The following NCAM2 variants were observed in gnomAD, a reference collection of about 807,000 sequenced individuals.
NCAM2 encodes the protein neural cell adhesion molecule 2.
In NCAM2, 30 loss-of-function variants were observed where a neutral mutation model predicts 98.1. That is an observed-to-expected ratio of 0.31 (90% confidence interval 0.23 to 0.41). NCAM2 has a LOEUF of 0.41. Ranked by LOEUF, NCAM2 falls within the 10% of genes least tolerant of loss-of-function variation. NCAM2 has a pLI of 1.00. For synonymous variants in NCAM2, 368 were observed against 342.4 expected (o/e 1.07, Z -0.83); for missense variants, 867 against 1,005.8 (o/e 0.86, Z 1.87).
chr21:21,106,347 T>G (rs2035746768), intron 1 of NCAM2, among the ~76,000 whole-genome samples: 1 of 129,648 alleles, frequency 7.7e-6, no homozygotes, highest in African/African-American at 3.1e-5. Context: ...CCAAATATGA[T>G]TATTTCTGGG....
intron 10 of NCAM2, among the ~76,000 whole-genome samples, chr21:21,414,838 G>A (rs1026270617): frequency 1.3e-5 from 2 of 152,124 alleles, no homozygotes; most frequent in Non-Finnish European, 2.9e-5. Context: ...GCTTCAGAAT[G>A]GATGTTGGGT....
intron 9 of NCAM2, among the ~76,000 whole-genome samples, chr21:21,384,183 C>G (rs999058287): frequency 6.6e-6 from 1 of 151,934 alleles, no homozygotes. Flanking sequence ...GTTATTTCTA[C>G]TCATATAGAA....
At chr21:21,226,846 G>C (rs1175385108) in intron 1 of NCAM2, 1 of 151,768 alleles carries the variant, frequency 6.6e-6, no homozygotes, top group African/African-American at 2.4e-5. Flanking sequence ...ACAACACAAG[G>C]GTACTTTAAC....
At chr21:21,362,743 T>C (rs1026937544) in intron 8 of NCAM2, among the ~76,000 whole-genome samples, 1 of 152,220 alleles carries the variant, frequency 6.6e-6, no homozygotes, top group African/African-American at 2.4e-5. Flanking sequence ...TTATTTTTTG[T>C]ATTTTCTGAG....
At chr21:21,445,034 C>G (rs1199919966) in intron 12 of NCAM2, among the ~76,000 whole-genome samples, 2 of 152,092 alleles carry the variant, frequency 1.3e-5, no homozygotes, top group Non-Finnish European at 2.9e-5. Context: ...TACTTCATCT[C>G]TTCATTCTCA....
intron 1 of NCAM2, among the ~76,000 whole-genome samples, chr21:21,140,720 T>C (rs2067149631): frequency 6.6e-6 from 1 of 150,474 alleles, no homozygotes; most frequent in African/African-American, 2.5e-5. Context: ...CAGACCACCA[T>C]GAAGAAAGTC....
rs202018731 is a variant in NCAM2 at position 21,106,314 on chromosome 21, C to CAAAAAAAAAAAAAAAAAAAAAAAA, written c.55+107711_55+107712insAAAAAAAAAAAAAAAAAAAAAAAA. On this transcript the variant is annotated intron_variant, in intron 1 of 17. Transcript: ENST00000400546. Reference sequence around the variant, plus strand: ...CAGAATGAGAGACATGTCTCAAAAGCAAAAAAAAAAAAAAAGGAACAGCCA... The same window carrying CAAAAAAAAAAAAAAAAAAAAAAAA: ...CAGAATGAGAGACATGTCTCAAAAGCAAAAAAAAAAAAAAAAAAAAAAAAAAAAAAAAAAAAAAAGGAACAGCCA... Among the ~76,000 whole-genome samples the CAAAAAAAAAAAAAAAAAAAAAAAA allele has an allele frequency of 4.9e-3, 503 of 103,280 alleles. 3 individuals are homozygous for CAAAAAAAAAAAAAAAAAAAAAAAA. The highest frequency in any genetic ancestry group is 0.012 in the East Asian group (36 of 3,100). The allele number at this position is 103,280 out of a possible 152,430, so 67.8% of individuals were successfully genotyped here.
intron 1 of NCAM2, among the ~76,000 whole-genome samples, chr21:21,038,531 G>C (rs1025967385): frequency 6.6e-6 from 1 of 152,042 alleles, no homozygotes; most frequent in Non-Finnish European, 1.5e-5. Context: ...GAGTTCTTAT[G>C]AGATCTGATG....
At chr21:21,379,066 A>T (rs2076094083) in intron 9 of NCAM2, among the ~76,000 whole-genome samples, 1 of 151,874 alleles carries the variant, frequency 6.6e-6, no homozygotes, top group African/African-American at 2.4e-5. Context: ...TAGGGCTGTT[A>T]TTAATTTTGA....
chr21:21,353,656 C>T (rs1299038355), intron 8 of NCAM2, among the ~76,000 whole-genome samples: 1 of 152,132 alleles, frequency 6.6e-6, no homozygotes, highest in Non-Finnish European at 1.5e-5. Flanking sequence ...TCATCTTTTT[C>T]TTCCCTTTCT....
At chr21:21,244,381 A>G (rs2071182061) in intron 1 of NCAM2, among the ~76,000 whole-genome samples, 1 of 152,214 alleles carries the variant, frequency 6.6e-6, no homozygotes, top group Non-Finnish European at 1.5e-5. Context: ...GCATATTCTA[A>G]TAAACCCATC....
intron 2 of NCAM2, among the ~76,000 whole-genome samples, chr21:21,283,816 G>T (rs1208094866): frequency 6.6e-6 from 1 of 151,852 alleles, no homozygotes; most frequent in Non-Finnish European, 1.5e-5. Flanking sequence ...AGTAATTGTG[G>T]TTCTGTTCAG....
intron 5 of NCAM2, among the ~76,000 whole-genome samples, chr21:21,296,525 C>A (rs531840055): frequency 1.2e-4 from 18 of 151,648 alleles, no homozygotes; most frequent in Non-Finnish European, 2.4e-4. Context: ...GGTGGAGGTG[C>A]AGCTGAAAAG....
chr21:21,022,860 T>C (rs1409062546), intron 1 of NCAM2, among the ~76,000 whole-genome samples: 3 of 152,034 alleles, frequency 2.0e-5, no homozygotes, highest in Admixed American at 1.3e-4. Context: ...ATGTAGATCT[T>C]ACAATAATTA....
At chr21:21,382,870 T>A (rs992322104) in intron 9 of NCAM2, among the ~76,000 whole-genome samples, 3 of 151,688 alleles carry the variant, frequency 2.0e-5, no homozygotes, top group African/African-American at 7.3e-5. Context: ...AATTTCAATT[T>A]GCTCCATTTT....
intron 1 of NCAM2, among the ~76,000 whole-genome samples, chr21:21,188,557 A>G (rs1025029332): frequency 6.6e-6 from 1 of 152,178 alleles, no homozygotes; most frequent in African/African-American, 2.4e-5. Context: ...ATAATGCAGG[A>G]TATAATTCTA....
chr21:21,431,046 CAAAAAAAA>C (rs34613152), intron 11 of NCAM2, among the ~76,000 whole-genome samples: 223 of 64,066 alleles, frequency 3.5e-3, no homozygotes, highest in Admixed American at 7.4e-3. Context: ...AACTCCGTCT[CAAAAAAAA>C]AAAAAAAAAA....
chr21:21,289,161 C>A (rs1180759631), intron 4 of NCAM2, among the ~76,000 whole-genome samples: 1 of 151,832 alleles, frequency 6.6e-6, no homozygotes, highest in Admixed American at 6.6e-5. Flanking sequence ...ATTAAAAAAA[C>A]TGATTAAAAT....
chr21:21,514,093 A>G (rs958252244), intron 16 of NCAM2, among the ~76,000 whole-genome samples: 1 of 151,338 alleles, frequency 6.6e-6, no homozygotes. Context: ...TAAATTATGT[A>G]TATACAATTT....
Sources: gnomAD v4.1 joint callset for allele counts (sites outside exome capture counted in the v4.1 genomes callset) on GRCh38, gnomAD v4.1.1 for gene constraint, MANE v1.5 for transcripts, NCBI Gene and HGNC (gene_info 2026-07-23, HGNC 2026-07-21) for gene names.